The following RARB variants were observed in gnomAD, a reference collection of about 807,000 sequenced individuals.
RARB encodes HBV-activated protein.
RARB carries 17 observed loss-of-function variants against 51.9 expected under a neutral mutation model. The ratio of observed to expected loss-of-function variants is 0.33; its 90% CI spans 0.22 to 0.49. RARB has a LOEUF of 0.49. RARB is among the 20% of genes least tolerant of loss of function. The pLI, the probability that RARB is intolerant of heterozygous loss-of-function variation, is 0.99. For synonymous variants in RARB, 215 were observed against 195.4 expected (o/e 1.10, Z -0.84); for missense variants, 369 against 550.8 (o/e 0.67, Z 3.30).
At chr3:25,285,909 T>C (rs954794275) in intron 5 of RARB, among the ~76,000 whole-genome samples, 1 of 152,082 alleles carries the variant, frequency 6.6e-6, no homozygotes, top group African/African-American at 2.4e-5. Context: ...TACAAATACA[T>C]CTACACATGC....
At chr3:25,586,619 A>G (rs746497182) in intron 5 of RARB, among the ~76,000 whole-genome samples, 1 of 152,192 alleles carries the variant, frequency 6.6e-6, no homozygotes, top group Non-Finnish European at 1.5e-5. Context: ...AAATATTCCC[A>G]TGCCAGTCAC....
chr3:25,031,074 G>A (rs762462933), intron 2 of RARB, among the ~76,000 whole-genome samples: 10 of 152,108 alleles, frequency 6.6e-5, no homozygotes, highest in South Asian at 2.1e-4. Flanking sequence ...GTTTTGTTGC[G>A]AAGGGTTGTC....
intron 3 of RARB, among the ~76,000 whole-genome samples, chr3:25,122,619 AC>A (rs1699802099): frequency 6.6e-6 from 1 of 152,018 alleles, no homozygotes; most frequent in Admixed American, 6.6e-5. Context: ...CCCATCTGGT[AC>A]TCTGATATCA....
At chr3:25,232,165 G>A (rs544425215) in intron 5 of RARB, among the ~76,000 whole-genome samples, 22 of 152,042 alleles carry the variant, frequency 1.4e-4, no homozygotes, top group African/African-American at 5.3e-4. Flanking sequence ...CATTGTTTCT[G>A]GAATCTCTCT....
At chr3:25,362,096 A>C (rs996437717) in intron 5 of RARB, among the ~76,000 whole-genome samples, 13 of 152,110 alleles carry the variant, frequency 8.5e-5, no homozygotes, top group African/African-American at 2.9e-4. Flanking sequence ...CCCTTCCTCT[A>C]GGTGCTGTGT....
chr3:24,976,682 T>G (rs944383087), intron 2 of RARB, among the ~76,000 whole-genome samples: 1 of 152,246 alleles, frequency 6.6e-6, no homozygotes. Flanking sequence ...ATGGATAGAC[T>G]ACAAAAATTT....
intron 2 of RARB, among the ~76,000 whole-genome samples, chr3:24,992,277 A>G (rs1161401008): frequency 3.3e-5 from 5 of 152,142 alleles, no homozygotes; most frequent in Non-Finnish European, 7.4e-5. Flanking sequence ...CTTGTTTATG[A>G]GTAAGTTTGA....
At chr3:25,161,574 G>A (rs1575188659) in intron 4 of RARB, among the ~76,000 whole-genome samples, 1 of 151,938 alleles carries the variant, frequency 6.6e-6, no homozygotes, top group East Asian at 1.9e-4. Context: ...GTCTCCACTG[G>A]CTCACAAATG....
intron 2 of RARB, among the ~76,000 whole-genome samples, chr3:24,864,321 T>G (rs977636549): frequency 6.6e-6 from 1 of 152,190 alleles, no homozygotes; most frequent in Non-Finnish European, 1.5e-5. Context: ...CTTGTTCTTT[T>G]CCTTTGCCAT....
chr3:24,907,664 C>T (rs1043689845), intron 2 of RARB, among the ~76,000 whole-genome samples: 3 of 151,954 alleles, frequency 2.0e-5, no homozygotes, highest in African/African-American at 7.3e-5. Context: ...ATTTGCTTCT[C>T]TTCTGAATGA....
At chr3:24,989,272 A>C (rs78441739) in intron 2 of RARB, among the ~76,000 whole-genome samples, 771 of 152,360 alleles carry the variant, frequency 5.1e-3, no homozygotes, top group African/African-American at 0.018. Context: ...GAATAACAAC[A>C]GTGGATGTCA....
At chr3:25,147,537 T>A (rs1460580122) in intron 4 of RARB, among the ~76,000 whole-genome samples, 1 of 152,196 alleles carries the variant, frequency 6.6e-6, no homozygotes, top group African/African-American at 2.4e-5. Context: ...AAAATAAGAA[T>A]TCCAGTTTTG....
At chr3:25,106,556 T>A (rs1699508440) in intron 3 of RARB, among the ~76,000 whole-genome samples, 1 of 149,736 alleles carries the variant, frequency 6.7e-6, no homozygotes, top group Non-Finnish European at 1.5e-5. Flanking sequence ...GCCCCTCTCA[T>A]CCTCCCAAAG....
chr3:25,348,769 C>T (rs750196352), intron 5 of RARB, among the ~76,000 whole-genome samples: 7 of 152,190 alleles, frequency 4.6e-5, no homozygotes, highest in Non-Finnish European at 8.8e-5. Flanking sequence ...AATTTCAACA[C>T]ATTTAGTGGT....
At chr3:25,052,566 A>C (rs1433767783) in intron 2 of RARB, among the ~76,000 whole-genome samples, 1 of 152,212 alleles carries the variant, frequency 6.6e-6, no homozygotes, top group African/African-American at 2.4e-5. Context: ...AAACTAAAAT[A>C]GGGTAGGAAA....
At chr3:24,846,707 T>C (rs1702489849) in intron 1 of RARB, among the ~76,000 whole-genome samples, 1 of 152,122 alleles carries the variant, frequency 6.6e-6, no homozygotes, top group African/African-American at 2.4e-5. Context: ...GCTGCTTCCC[T>C]GGAGAGAACA....
intron 3 of RARB, among the ~76,000 whole-genome samples, chr3:25,073,043 A>G (rs1698801807): frequency 6.6e-6 from 1 of 152,054 alleles, no homozygotes; most frequent in African/African-American, 2.4e-5. Context: ...CCATTTGAAT[A>G]TTGTCATTTC....
intron 2 of RARB, among the ~76,000 whole-genome samples, chr3:24,965,986 A>G (rs1275082611): frequency 1.3e-5 from 2 of 152,210 alleles, no homozygotes; most frequent in Non-Finnish European, 2.9e-5. Context: ...AAAAATATGC[A>G]GGTTTACATG....
chr3:25,184,587 C>T (rs549547157), intron 5 of RARB, among the ~76,000 whole-genome samples: 10 of 152,156 alleles, frequency 6.6e-5, no homozygotes, highest in African/African-American at 2.4e-4. Flanking sequence ...CTTCCAGACC[C>T]AGTCTGTGTT....
Sources: gnomAD v4.1 joint callset for allele counts (sites outside exome capture counted in the v4.1 genomes callset) on GRCh38, gnomAD v4.1.1 for gene constraint, MANE v1.5 for transcripts, NCBI Gene and HGNC (gene_info 2026-07-23, HGNC 2026-07-21) for gene names.